INCENP: variants seen among roughly 807,000 people sequenced by gnomAD.
INCENP encodes the protein binds and activates aurora-B and -C in vivo and in vitro.
In INCENP, 43 loss-of-function variants were observed where a neutral mutation model predicts 107.3. The ratio of observed to expected loss-of-function variants is 0.40; its 90% CI spans 0.31 to 0.52. The LOEUF (loss-of-function observed/expected upper bound fraction) is 0.52. Ranked by LOEUF, INCENP falls within the 20% of genes least tolerant of loss-of-function variation. The pLI, the probability that INCENP is intolerant of heterozygous loss-of-function variation, is 0.53. For missense variants in INCENP, 1,089 were observed against 1,250.9 expected (o/e 0.87, Z 1.95); for synonymous variants, 488 against 494.4 (o/e 0.99, Z 0.17).
chr11:62,151,091 G>A (rs1944362166), intron 18 of INCENP, among the ~76,000 whole-genome samples: 1 of 152,224 alleles, frequency 6.6e-6, no homozygotes, highest in African/African-American at 2.4e-5. Flanking sequence ...AGGTGACTTT[G>A]AACAGCTTAC....
In INCENP at chr11:62,141,019, A is replaced by G. The variant is rs531227343; in HGVS notation, c.1568A>G (p.Asn523Ser). ...GTCATGAAGTCCTTTATTAAGCGCA[A>G]CACTCCCCTGCGCATGGACCCCAAG... ...RSVMKSFIKR[N>S]TPLRMDPKCS... Residue 523 changes from asparagine to serine, a missense_variant, in exon 10 of 19, where the codon AAC becomes AGC. Coordinates refer to ENST00000394818, the MANE Select transcript of INCENP (RefSeq NM_001040694.2). 2 of 1,613,894 alleles carry G rather than the reference A, an allele frequency of 1.2e-6. No homozygotes were observed. The highest frequency in any genetic ancestry group is 1.7e-5 in the Admixed American group (1 of 59,998).
At chr11:62,129,653 G>T in intron 3 of INCENP, 129 bp from the exon 4 acceptor site, 3 of 743,108 alleles carry the variant, frequency 4.0e-6, no homozygotes, top group Non-Finnish European at 6.4e-6. Flanking sequence ...GCAGAATCTG[G>T]CCTGGAACCC....
intron 5 of INCENP, 174 bp downstream of exon 5, chr11:62,138,057 G>C: frequency 4.7e-6 from 3 of 644,592 alleles, no homozygotes; most frequent in Non-Finnish European, 8.4e-6. Context: ...GTGGGTGTTG[G>C]CCACCTGGTC....
At chr11:62,128,519 G>A (rs1486175566) in intron 2 of INCENP, among the ~76,000 whole-genome samples, 1 of 152,226 alleles carries the variant, frequency 6.6e-6, no homozygotes, top group Non-Finnish European at 1.5e-5. Flanking sequence ...ATTCGCCATC[G>A]TTGCTGGCTG....
chr11:62,128,726 G>A (rs1000372946), intron 2 of INCENP, 44 bp from the exon 3 acceptor site: 10 of 1,388,574 alleles, frequency 7.2e-6, no homozygotes, highest in Admixed American at 1.7e-5. Context: ...GGGGACCAGT[G>A]GTTCCCAGGC....
At chr11:62,129,477 A>C (rs1405352201) in intron 3 of INCENP, among the ~76,000 whole-genome samples, 1 of 152,046 alleles carries the variant, frequency 6.6e-6, no homozygotes, top group Non-Finnish European at 1.5e-5. Flanking sequence ...AGCGTGTGTA[A>C]GGCTTTCAGC....
chr11:62,143,971 C>G (rs2134664087), intron 11 of INCENP, among the ~76,000 whole-genome samples: 1 of 152,356 alleles, frequency 6.6e-6, no homozygotes, highest in East Asian at 1.9e-4. Flanking sequence ...CTGTGTCTGC[C>G]CAGGAGGGGG....
At chr11:62,136,731 C>T (rs1760046648) in intron 4 of INCENP, among the ~76,000 whole-genome samples, 1 of 152,144 alleles carries the variant, frequency 6.6e-6, no homozygotes, top group Non-Finnish European at 1.5e-5. Flanking sequence ...GGACATTCCT[C>T]AGTGAAACTG....
At chr11:62,129,688 TATC>T (rs1943836028) in intron 3 of INCENP, 91 bp from the exon 4 acceptor site, 3 of 1,048,304 alleles carry the variant, frequency 2.9e-6, no homozygotes, top group African/African-American at 1.6e-5. Flanking sequence ...CACCTTCTCT[TATC>T]ATACTCTATC....
intron 4 of INCENP, among the ~76,000 whole-genome samples, chr11:62,136,773 G>C (rs537304143): frequency 6.6e-6 from 1 of 152,210 alleles, no homozygotes; most frequent in African/African-American, 2.4e-5. Context: ...TGTGTGGTCC[G>C]AGGATAGTGT....
In INCENP at chr11:62,148,524, G is replaced by A; in HGVS notation, c.2253G>A (p.Leu751=). The change falls in exon 16 of 19, where the codon CTG becomes CTA. Residue 751 remains leucine (L), a synonymous_variant. Transcript: ENST00000394818. ...CCCTGCGGCTGCAGAAGGAGCAGCT[G>A]CAGAGGGAACTGGAGGAGAAGAAGA... ...EKALRLQKEQ[L]QRELEEKKKK... The A allele has an allele frequency of 6.2e-7, 1 of 1,608,404 alleles. No individual in the cohort carries two copies. Among genetic ancestry groups the A allele is most frequent in the South Asian group, 1.1e-5 (1 of 89,448 alleles).
At chr11:62,142,681 C>A (rs1224633917) in intron 11 of INCENP, among the ~76,000 whole-genome samples, 1 of 136,760 alleles carries the variant, frequency 7.3e-6, no homozygotes, top group Non-Finnish European at 1.7e-5. Flanking sequence ...GCTGCAGGTT[C>A]CCATCTGCCT....
intron 14 of INCENP, 86 bp downstream of exon 14, chr11:62,145,837 C>A: frequency 1.4e-6 from 2 of 1,425,264 alleles, no homozygotes; most frequent in Non-Finnish European, 1.9e-6. Flanking sequence ...TGCACCCCAC[C>A]TTGTGGGGTT....
At chr11:62,125,774 A>T (rs1354307506) in intron 1 of INCENP, among the ~76,000 whole-genome samples, 1 of 152,222 alleles carries the variant, frequency 6.6e-6, no homozygotes, top group Non-Finnish European at 1.5e-5. Flanking sequence ...GTTGCCAGGC[A>T]CTGCTGTGCT....
intron 16 of INCENP, 24 bp downstream of exon 16, chr11:62,148,578 T>C: frequency 6.3e-7 from 1 of 1,582,998 alleles, no homozygotes; most frequent in Non-Finnish European, 8.6e-7. Flanking sequence ...GGTTGCGGGC[T>C]CCCCTGGGGT....
chr11:62,131,733 G>T (rs1415630278), intron 4 of INCENP, among the ~76,000 whole-genome samples: 6 of 152,044 alleles, frequency 3.9e-5, no homozygotes, highest in African/African-American at 1.4e-4. Flanking sequence ...GATGCAGGCA[G>T]AGGACGGGCA....
intron 11 of INCENP, among the ~76,000 whole-genome samples, chr11:62,142,084 G>A (rs1403427111): frequency 6.6e-6 from 1 of 152,220 alleles, no homozygotes; most frequent in East Asian, 1.9e-4. Context: ...GCTGAGCCGA[G>A]CCAGGCAGGC....
In INCENP at chr11:62,143,192, G is replaced by A. The variant is rs185567942; in HGVS notation, c.1605+1681G>A. On this transcript the variant is annotated intron_variant, in intron 11 of 18. Coordinates refer to ENST00000394818, the MANE Select transcript of INCENP (RefSeq NM_001040694.2). ...CTTTTGGGATCACAGCTCCTCCCTCGAATTTTGACTTGGCAGCTTTTCTTC... is the reference window on the plus strand; with the variant it reads ...CTTTTGGGATCACAGCTCCTCCCTCAAATTTTGACTTGGCAGCTTTTCTTC... 6.2e-3 allele frequency among the ~76,000 whole-genome samples: 940 copies of A among 151,774 alleles called. 6 individuals are homozygous for A. The highest frequency in any genetic ancestry group is 9.0e-3 in the Non-Finnish European group (607 of 67,722).
At chr11:62,142,411 T>G (rs1406624990) in intron 11 of INCENP, among the ~76,000 whole-genome samples, 4 of 152,214 alleles carry the variant, frequency 2.6e-5, no homozygotes, top group Non-Finnish European at 5.9e-5. Flanking sequence ...CTGTGCCGAT[T>G]AGAGCCCTGC....
Sources: gnomAD v4.1 joint callset for allele counts (sites outside exome capture counted in the v4.1 genomes callset) on GRCh38, gnomAD v4.1.1 for gene constraint, MANE v1.5 for transcripts, NCBI Gene and HGNC (gene_info 2026-07-23, HGNC 2026-07-21) for gene names.